VTA1: variants seen among roughly 807,000 people sequenced by gnomAD.
The protein encoded by VTA1 is vacuolar protein sorting-associated protein VTA1 homolog.
Under a neutral mutation model 36.9 loss-of-function variants are expected in VTA1, and 24 were observed. The observed-to-expected ratio is 0.65, with a 90% CI of 0.47 to 0.91. The LOEUF is 0.91. VTA1 is among the 40% of genes least tolerant of loss of function. VTA1 has a pLI of 0.00. For synonymous variants in VTA1, 142 were observed against 130.2 expected (o/e 1.09, Z -0.62); for missense variants, 393 against 377.2 (o/e 1.04, Z -0.35).
intron 4 of VTA1, among the ~76,000 whole-genome samples, chr6:142,182,104 T>A (rs1250176510): frequency 6.6e-6 from 1 of 152,252 alleles, no homozygotes; most frequent in Non-Finnish European, 1.5e-5. Context: ...AGTTAGAGAT[T>A]ATTAATCCCA....
chr6:142,214,402 C>T (rs1444385900), intron 7 of VTA1, among the ~76,000 whole-genome samples: 1 of 152,158 alleles, frequency 6.6e-6, no homozygotes, highest in Non-Finnish European at 1.5e-5. Flanking sequence ...GAAGGGGAAG[C>T]AGGCACCTTC....
At chr6:142,178,327 A>C (rs968856832) in intron 4 of VTA1, among the ~76,000 whole-genome samples, 1 of 152,068 alleles carries the variant, frequency 6.6e-6, no homozygotes, top group East Asian at 1.9e-4. Flanking sequence ...ATGAACAAAA[A>C]CCCTGTCAAC....
intron 6 of VTA1, chr6:142,198,877 T>C (rs1426176371): frequency 8.3e-6 from 2 of 242,298 alleles, no homozygotes; most frequent in Non-Finnish European, 1.6e-5. Context: ...GTTTCCATGC[T>C]TTTCATATAT....
At chr6:142,198,219 A>T (rs992546174) in intron 5 of VTA1, among the ~76,000 whole-genome samples, 1 of 151,714 alleles carries the variant, frequency 6.6e-6, no homozygotes, top group Non-Finnish European at 1.5e-5. Flanking sequence ...AAAAAATATT[A>T]ACCTGAAAGA....
At position 142,169,691 on chromosome 6, in the gene VTA1, AAAAT is replaced by A; in HGVS notation, c.335+18_335+21del. 9 of 1,528,054 alleles carry A rather than the reference AAAAT, an allele frequency of 5.9e-6. No individual in the cohort carries two copies. The highest frequency in any genetic ancestry group is 2.5e-5 in the East Asian group (1 of 40,076). 94.7% of individuals were successfully genotyped at this position (1,528,054 alleles called of 1,614,324 possible). Reference sequence around the variant, plus strand: ...ACGATTTCACAAGTAAGTAAAGAGAAAAATAAAAATTATTTTATTAATTTTGTAA... The same window carrying A: ...ACGATTTCACAAGTAAGTAAAGAGAAAAAAATTATTTTATTAATTTTGTAA... On this transcript the variant is annotated intron_variant, in intron 3 of 7. Coordinates refer to ENST00000367630, the MANE Select transcript of VTA1 (RefSeq NM_016485.5).
chr6:142,201,544 CATA>C (rs1775685077), intron 6 of VTA1, among the ~76,000 whole-genome samples: 1 of 151,878 alleles, frequency 6.6e-6, no homozygotes, highest in African/African-American at 2.4e-5. Context: ...TCTCAAGAAA[CATA>C]AGCTTTTTAT....
chr6:142,198,669 T>C (rs1360775116), intron 6 of VTA1, 54 bp downstream of exon 6: 1 of 1,499,726 alleles, frequency 6.7e-7, no homozygotes, highest in African/African-American at 1.4e-5. Context: ...AAAGAAGAAC[T>C]GCATTTCTTA....
chr6:142,162,989 A>G (rs974462018), intron 1 of VTA1, among the ~76,000 whole-genome samples: 13 of 152,220 alleles, frequency 8.5e-5, no homozygotes, highest in Non-Finnish European at 1.8e-4. Context: ...AAGAGAGCAC[A>G]TAAAATTGTT....
chr6:142,207,073 T>C (rs961002817), intron 7 of VTA1, among the ~76,000 whole-genome samples: 3 of 152,186 alleles, frequency 2.0e-5, no homozygotes, highest in Admixed American at 6.5e-5. Context: ...AGCACTGAGA[T>C]TGACACCAGC....
chr6:142,216,994 C>T (rs1776015884), intron 7 of VTA1, among the ~76,000 whole-genome samples: 1 of 152,080 alleles, frequency 6.6e-6, no homozygotes, highest in Non-Finnish European at 1.5e-5. Context: ...TTTGAAAAAC[C>T]ATTAAAGAAT....
rs543788455 is a variant in VTA1, at chr6:142,221,819, ATATT to A, written c.*3177_*3180del. The stretch of plus-strand genomic sequence containing the variant: ...ATATATTAATAAATATATAATATAT[ATATT>A]AGCCTGGCATGGTGGCACATACCTC... On this transcript the variant is annotated 3_prime_UTR_variant, in exon 8 of 8. Transcript: ENST00000367630. 1 of 148,634 alleles carries A rather than the reference ATATT, an allele frequency of 6.7e-6. No homozygotes were observed. Among genetic ancestry groups the A allele is most frequent in the African/African-American group, 2.4e-5 (1 of 40,898 alleles). 9.2% of individuals were successfully genotyped at this position (148,634 alleles called of 1,614,324 possible). A position where few individuals can be genotyped will look rare whatever the true frequency, so the allele number is the denominator to read the frequency against.
chr6:142,208,804 G>C (rs934486470), intron 7 of VTA1, among the ~76,000 whole-genome samples: 1 of 152,106 alleles, frequency 6.6e-6, no homozygotes, highest in Non-Finnish European at 1.5e-5. Flanking sequence ...ATTGTGTCCA[G>C]CAAAATTGTC....
In VTA1 at chr6:142,218,587, A is replaced by G; in HGVS notation, c.868A>G (p.Thr290Ala). 4 of 1,613,534 alleles carry G rather than the reference A, an allele frequency of 2.5e-6. No individual in the cohort carries two copies. Among genetic ancestry groups the G allele is most frequent in the Non-Finnish European group, 3.4e-6 (4 of 1,179,716 alleles). ...TGCTTTGCAGTATGAAGATGTAAGC[A>G]CTGCTGTCCAGAATCTACAAAAGGC... ...GSALQYEDVS[T>A]AVQNLQKALK... The change falls in exon 8 of 8, where the codon ACT becomes GCT. Residue 290 changes from threonine (T) to alanine (A), a missense_variant. Transcript: ENST00000367630.
chr6:142,151,572 T>C (rs757096796), intron 1 of VTA1, among the ~76,000 whole-genome samples: 25 of 152,250 alleles, frequency 1.6e-4, no homozygotes, highest in Non-Finnish European at 3.2e-4. Flanking sequence ...ACATTCCAAC[T>C]GGAATATTGT....
chr6:142,202,971 T>C (rs943161472), intron 6 of VTA1, among the ~76,000 whole-genome samples: 1 of 151,964 alleles, frequency 6.6e-6, no homozygotes, highest in Non-Finnish European at 1.5e-5. Flanking sequence ...AGGTAAATAA[T>C]GTATATTTAA....
At position 142,223,904 on chromosome 6, in the gene VTA1, G is replaced by C. The variant is rs1208193499; in HGVS notation, c.*5261G>C. On this transcript the variant is annotated 3_prime_UTR_variant, in exon 8 of 8. Transcript: ENST00000367630. Reference sequence around the variant, plus strand: ...GGAGGAACAAATGTGGGCAATTCAGGTAACTCGAGTAATTTAGTGTTACTA... The same window carrying C: ...GGAGGAACAAATGTGGGCAATTCAGCTAACTCGAGTAATTTAGTGTTACTA... The C allele has an allele frequency of 6.6e-6, 1 of 151,868 alleles. No homozygotes were observed. The highest frequency in any genetic ancestry group is 1.5e-5 in the Non-Finnish European group (1 of 68,008). The allele number at this position is 151,868 out of a possible 1,614,324, so 9.4% of individuals were successfully genotyped here.
chr6:142,150,913 C>CAA (rs776386647), intron 1 of VTA1, among the ~76,000 whole-genome samples: 47 of 103,186 alleles, frequency 4.6e-4, no homozygotes, highest in African/African-American at 1.5e-3. Context: ...ACTCCATCTC[C>CAA]AAAAAAAAAA....
chr6:142,215,219 A>G (rs1034647464), intron 7 of VTA1, among the ~76,000 whole-genome samples: 2 of 152,136 alleles, frequency 1.3e-5, no homozygotes, highest in Admixed American at 6.5e-5. Flanking sequence ...TGGGTGGATC[A>G]CGAGGTCAGG....
In VTA1 at chr6:142,147,416, G is replaced by T. The variant is rs751989150; in HGVS notation, c.112+17G>T. ...CTTATTACTGTGAGTCTTTCCGAGT[G>T]GCCGCGCCCTTTCTTTCCCAGTTGC... On this transcript the variant is annotated intron_variant, in intron 1 of 7. Transcript: ENST00000367630. 6.2e-7 allele frequency: 1 copy of T among 1,610,608 alleles called. No homozygotes were observed.
Sources: gnomAD v4.1 joint callset for allele counts (sites outside exome capture counted in the v4.1 genomes callset) on GRCh38, gnomAD v4.1.1 for gene constraint, MANE v1.5 for transcripts, NCBI Gene and HGNC (gene_info 2026-07-23, HGNC 2026-07-21) for gene names.